CNTLN: variants seen among roughly 807,000 people sequenced by gnomAD.
CNTLN encodes centlein.
Under a neutral mutation model 180.0 loss-of-function variants are expected in CNTLN, and 212 were observed. That is an observed-to-expected ratio of 1.18 (90% CI 1.05 to 1.32). CNTLN has a LOEUF of 1.32. Among genes scored for constraint, CNTLN ranks in the 40% most tolerant of loss-of-function variants. The pLI is 0.00. For missense variants in CNTLN, 2,095 were observed against 1,610.9 expected (o/e 1.30, Z -5.14); for synonymous variants, 722 against 563.1 (o/e 1.28, Z -3.99).
At chr9:17,249,559 C>T (rs981930539) in intron 5 of CNTLN, among the ~76,000 whole-genome samples, 1 of 151,948 alleles carries the variant, frequency 6.6e-6, no homozygotes, top group African/African-American at 2.4e-5. Flanking sequence ...CCATGTTAGC[C>T]AGGATGGTCT....
intron 18 of CNTLN, among the ~76,000 whole-genome samples, chr9:17,438,222 G>C (rs543492366): frequency 3.9e-5 from 6 of 152,056 alleles, no homozygotes; most frequent in Non-Finnish European, 8.8e-5. Flanking sequence ...AATAAGGACT[G>C]AGACTAAGGC....
intron 12 of CNTLN, among the ~76,000 whole-genome samples, chr9:17,345,566 A>G (rs1378137468): frequency 6.7e-6 from 1 of 149,862 alleles, no homozygotes; most frequent in Non-Finnish European, 1.5e-5. Context: ...TCTTGGTATT[A>G]TATTATGCAT....
intron 12 of CNTLN, among the ~76,000 whole-genome samples, chr9:17,358,607 G>A (rs1022292668): frequency 7.2e-5 from 11 of 151,992 alleles, no homozygotes; most frequent in Non-Finnish European, 1.3e-4. Flanking sequence ...TTAAAATCTA[G>A]TTGTTACATT....
intron 2 of CNTLN, among the ~76,000 whole-genome samples, chr9:17,190,306 G>T (rs932125980): frequency 1.3e-5 from 2 of 151,560 alleles, no homozygotes; most frequent in African/African-American, 4.9e-5. Flanking sequence ...GATAAATCAG[G>T]TTCCTGTTAC....
chr9:17,309,779 G>C (rs554885165), intron 8 of CNTLN, among the ~76,000 whole-genome samples: 1 of 152,108 alleles, frequency 6.6e-6, no homozygotes, highest in East Asian at 1.9e-4. Flanking sequence ...GCAGAGCTTA[G>C]CATATAGAAA....
intron 5 of CNTLN, among the ~76,000 whole-genome samples, chr9:17,254,156 C>T (rs1449411786): frequency 1.3e-5 from 2 of 151,488 alleles, no homozygotes; most frequent in African/African-American, 4.8e-5. Flanking sequence ...ATGATGTTGA[C>T]CATCTTTTCA....
chr9:17,466,779 C>G lies in CNTLN; in HGVS notation c.3743C>G (p.Ala1248Gly). The G allele has an allele frequency of 6.2e-7, 1 of 1,610,868 alleles. No individual in the cohort carries two copies. Among genetic ancestry groups the G allele is most frequent in the Non-Finnish European group, 8.5e-7 (1 of 1,177,880 alleles). ...ESAMAEIETA[A>G]SKQLQELALQ... The stretch of plus-strand genomic sequence containing the variant: ...GCAATGGCAGAAATTGAAACAGCAG[C>G]ATCTAAGCAGCTTCAAGAATTAGCA... Residue 1248 changes from alanine to glycine, a missense_variant, in exon 23 of 26, where the codon GCA becomes GGA. Physicochemically the swap from Ala to Gly is moderately conservative, Grantham distance 60. Coordinates refer to ENST00000380647, the MANE Select transcript of CNTLN (RefSeq NM_017738.4).
At chr9:17,391,479 A>G (rs571236716) in intron 14 of CNTLN, among the ~76,000 whole-genome samples, 13 of 152,260 alleles carry the variant, frequency 8.5e-5, no homozygotes, top group South Asian at 2.1e-4. Context: ...GTGACCTTCA[A>G]TTTAAGGTAC....
intron 2 of CNTLN, among the ~76,000 whole-genome samples, chr9:17,164,311 CAAA>C (rs774854028): frequency 1.9e-5 from 1 of 51,770 alleles, no homozygotes; most frequent in Non-Finnish European, 3.9e-5. Flanking sequence ...GACTCTGTCT[CAAA>C]AAAAAAAAAA....
intron 2 of CNTLN, among the ~76,000 whole-genome samples, chr9:17,151,753 A>G (rs1034350518): frequency 6.6e-6 from 1 of 151,936 alleles, no homozygotes; most frequent in Non-Finnish European, 1.5e-5. Context: ...TCCTCTTTGT[A>G]CCTCTGGTAG....
At chr9:17,439,133 G>A (rs1281400085) in intron 18 of CNTLN, among the ~76,000 whole-genome samples, 1 of 152,082 alleles carries the variant, frequency 6.6e-6, no homozygotes, top group Admixed American at 6.6e-5. Context: ...GGAAAAGGGA[G>A]CAGAGAGCCT....
At chr9:17,457,469 A>C in intron 18 of CNTLN, 55 bp from the exon 19 acceptor site, 1 of 970,810 alleles carries the variant, frequency 1.0e-6, no homozygotes, top group Non-Finnish European at 1.4e-6. Flanking sequence ...TTGTTAGATT[A>C]AATATAGTTA....
chr9:17,268,534 G>A (rs1001889270), intron 5 of CNTLN, among the ~76,000 whole-genome samples: 8 of 152,282 alleles, frequency 5.3e-5, no homozygotes, highest in Admixed American at 3.9e-4. Context: ...ATCTCTAGCC[G>A]CGTGCTGCGA....
intron 1 of CNTLN, among the ~76,000 whole-genome samples, chr9:17,138,069 G>A (rs981628970): frequency 4.6e-5 from 7 of 152,050 alleles, no homozygotes; most frequent in African/African-American, 1.7e-4. Flanking sequence ...ATTTTTCAAG[G>A]GTGTTCCAAA....
At chr9:17,407,113 A>C (rs760236530) in intron 15 of CNTLN, among the ~76,000 whole-genome samples, 1 of 152,246 alleles carries the variant, frequency 6.6e-6, no homozygotes, top group Non-Finnish European at 1.5e-5. Flanking sequence ...GGATACTGAA[A>C]TAACTTGTAG....
At chr9:17,411,325 A>G (rs1408054010) in intron 16 of CNTLN, among the ~76,000 whole-genome samples, 2 of 152,284 alleles carry the variant, frequency 1.3e-5, no homozygotes, top group Non-Finnish European at 2.9e-5. Context: ...CTTACACAGT[A>G]AGTGTCCTAC....
intron 6 of CNTLN, among the ~76,000 whole-genome samples, chr9:17,284,561 T>C (rs1372561253): frequency 6.6e-6 from 1 of 152,202 alleles, no homozygotes; most frequent in Non-Finnish European, 1.5e-5. Flanking sequence ...GTATTTATAG[T>C]ATTATCTGAA....
intron 8 of CNTLN, among the ~76,000 whole-genome samples, chr9:17,317,934 G>A (rs1200662136): frequency 2.0e-5 from 3 of 152,038 alleles, no homozygotes; most frequent in African/African-American, 4.8e-5. Flanking sequence ...ATGGAAAGCC[G>A]TTGGTGTGTT....
chr9:17,145,555 TC>T (rs1363470402), intron 2 of CNTLN, among the ~76,000 whole-genome samples: 1 of 152,176 alleles, frequency 6.6e-6, no homozygotes, highest in Admixed American at 6.5e-5. Context: ...GGACAGCATT[TC>T]CCCCCTGGAA....
Sources: allele counts gnomAD v4.1 joint callset (sites outside exome capture counted in the v4.1 genomes callset), GRCh38; gene constraint gnomAD v4.1.1; transcripts MANE v1.5; gene names NCBI Gene and HGNC (gene_info 2026-07-23, HGNC 2026-07-21).